PHLPP1: variants seen among roughly 807,000 people sequenced by gnomAD.
PHLPP1 encodes the protein PH domain and leucine rich repeat protein phosphatase 1.
In PHLPP1, 42 loss-of-function variants were observed where a neutral mutation model predicts 117.2. The observed-to-expected ratio is 0.36, with a 90% CI of 0.28 to 0.46. The LOEUF is 0.46. Among genes scored for constraint, PHLPP1 ranks in the 20% least tolerant of loss-of-function variants. The pLI is 1.00. For missense variants in PHLPP1, 2,084 were observed against 2,241.9 expected (o/e 0.93, Z 1.42); for synonymous variants, 1,042 against 970.7 (o/e 1.07, Z -1.37).
At chr18:62,938,397 G>T (rs12606740) in intron 10 of PHLPP1, among the ~76,000 whole-genome samples, 4 of 152,056 alleles carry the variant, frequency 2.6e-5, no homozygotes, top group African/African-American at 7.2e-5. Flanking sequence ...GTATTTGTTC[G>T]TTCTGGTGGA....
chr18:62,825,037 C>G (rs1914571876), intron 1 of PHLPP1, among the ~76,000 whole-genome samples: 1 of 151,890 alleles, frequency 6.6e-6, no homozygotes, highest in Non-Finnish European at 1.5e-5. Flanking sequence ...AGTGATTGTC[C>G]TCCCTCAGTC....
intron 1 of PHLPP1, among the ~76,000 whole-genome samples, chr18:62,735,033 T>A (rs1454496652): frequency 6.6e-6 from 1 of 151,844 alleles, no homozygotes; most frequent in Non-Finnish European, 1.5e-5. Flanking sequence ...CTTAAGAGGA[T>A]GTCATTCTTT....
At chr18:62,949,619 G>C in intron 12 of PHLPP1, among the ~76,000 whole-genome samples, 1 of 152,168 alleles carries the variant, frequency 6.6e-6, no homozygotes, top group East Asian at 1.9e-4. Flanking sequence ...CCTCACCTTT[G>C]TTTAGCCCTT....
At chr18:62,860,720 A>G in intron 4 of PHLPP1, 119 bp downstream of exon 4, 2 of 789,994 alleles carry the variant, frequency 2.5e-6, no homozygotes, top group Admixed American at 2.9e-5. Flanking sequence ...TCCTTCAGAT[A>G]ACAGGGTAAT....
intron 1 of PHLPP1, among the ~76,000 whole-genome samples, chr18:62,808,320 G>T (rs1400684729): frequency 6.6e-6 from 1 of 152,114 alleles, no homozygotes. Flanking sequence ...TAGAAATTGG[G>T]AAGTTGACAG....
intron 8 of PHLPP1, among the ~76,000 whole-genome samples, chr18:62,905,864 T>C (rs1916836893): frequency 6.6e-6 from 1 of 152,374 alleles, no homozygotes; most frequent in Admixed American, 6.5e-5. Context: ...TTCTGCAGTG[T>C]ATTATATTTA....
intron 1 of PHLPP1, among the ~76,000 whole-genome samples, chr18:62,756,052 AT>A (rs1014780098): frequency 3.3e-4 from 42 of 126,856 alleles, no homozygotes; most frequent in African/African-American, 2.7e-4. Context: ...TGACTCATTC[AT>A]TTTTTTTTTT....
intron 14 of PHLPP1, among the ~76,000 whole-genome samples, chr18:62,966,184 C>T (rs1158890045): frequency 6.6e-6 from 1 of 151,996 alleles, no homozygotes; most frequent in East Asian, 1.9e-4. Context: ...TACAGGATCA[C>T]GTGAGTTAAT....
intron 8 of PHLPP1, among the ~76,000 whole-genome samples, chr18:62,913,554 A>G (rs528025617): frequency 4.6e-5 from 7 of 152,198 alleles, no homozygotes; most frequent in Non-Finnish European, 1.0e-4. Context: ...TCATCTGTGT[A>G]TAAAGAATTG....
At position 62,928,547 on chromosome 18, in the gene PHLPP1, C is replaced by T. The variant is rs147128533; in HGVS notation, c.2960+8433C>T. On this transcript the variant is annotated intron_variant, in intron 10 of 16. Coordinates refer to ENST00000262719, the MANE Select transcript of PHLPP1 (RefSeq NM_194449.4). The stretch of plus-strand genomic sequence containing the variant: ...ACAAAATGGAGAGAAACTGAAACCT[C>T]GTACACTGCTGGCAGGAATGTAAAG... Among the ~76,000 whole-genome samples, 13 of 152,246 alleles carry T rather than the reference C, an allele frequency of 8.5e-5. No individual in the cohort carries two copies. In the East Asian group the frequency reaches 2.1e-3, roughly 25 times the overall value.
At chr18:62,767,040 C>T (rs1380595215) in intron 1 of PHLPP1, among the ~76,000 whole-genome samples, 1 of 152,192 alleles carries the variant, frequency 6.6e-6, no homozygotes, top group African/African-American at 2.4e-5. Context: ...AGCCACTCTC[C>T]TGCCAGATCC....
chr18:62,768,971 G>A (rs1048850466), intron 1 of PHLPP1, among the ~76,000 whole-genome samples: 2 of 152,044 alleles, frequency 1.3e-5, no homozygotes, highest in African/African-American at 4.8e-5. Context: ...TGTTAGTGAT[G>A]GCTGCTATCC....
At chr18:62,968,892 C>G (rs1910979299) in intron 14 of PHLPP1, among the ~76,000 whole-genome samples, 1 of 152,064 alleles carries the variant, frequency 6.6e-6, no homozygotes, top group Non-Finnish European at 1.5e-5. Flanking sequence ...CTCTCTCATT[C>G]CTAATGTTGG....
At chr18:62,721,473 G>C (rs993417464) in intron 1 of PHLPP1, among the ~76,000 whole-genome samples, 1 of 151,636 alleles carries the variant, frequency 6.6e-6, no homozygotes, top group African/African-American at 2.4e-5. Context: ...TGACAGTTCA[G>C]TTGCTTTAAA....
intron 8 of PHLPP1, among the ~76,000 whole-genome samples, chr18:62,912,512 C>T (rs150857868): frequency 6.6e-6 from 1 of 152,012 alleles, no homozygotes; most frequent in Non-Finnish European, 1.5e-5. Context: ...CTCCCACCCC[C>T]CAGCAACCCC....
chr18:62,895,639 G>A, intron 5 of PHLPP1, 142 bp from the exon 6 acceptor site: 1 of 613,238 alleles, frequency 1.6e-6, no homozygotes, highest in Non-Finnish European at 2.9e-6. Flanking sequence ...GTCCATTATT[G>A]CCTCAGGCCC....
intron 10 of PHLPP1, among the ~76,000 whole-genome samples, chr18:62,927,955 A>G (rs1178746463): frequency 6.6e-6 from 1 of 152,198 alleles, no homozygotes; most frequent in Non-Finnish European, 1.5e-5. Context: ...GAAGATATAA[A>G]TAATTATGAC....
chr18:62,850,073 A>ATTTTT (rs550738658), intron 3 of PHLPP1, among the ~76,000 whole-genome samples: 1 of 135,216 alleles, frequency 7.4e-6, no homozygotes, highest in Non-Finnish European at 1.6e-5. Flanking sequence ...TTAAACATCA[A>ATTTTT]TTTTTTTTTT....
At chr18:62,849,824 AAAAAAAAAATAT>A (rs1915283979) in intron 3 of PHLPP1, among the ~76,000 whole-genome samples, 1 of 44,760 alleles carries the variant, frequency 2.2e-5, no homozygotes, top group Non-Finnish European at 4.6e-5. Context: ...AAAAAAAAAA[AAAAAAAAAATAT>A]ATATATCCTT....
Sources: allele counts gnomAD v4.1 joint callset (sites outside exome capture counted in the v4.1 genomes callset), GRCh38; gene constraint gnomAD v4.1.1; transcripts MANE v1.5; gene names NCBI Gene and HGNC (gene_info 2026-07-23, HGNC 2026-07-21).